Variants in RBFOX1 observed in about 807,000 individuals in gnomAD.
RBFOX1 encodes the protein RNA binding fox-1 homolog 1.
A neutral mutation model predicts 57.7 loss-of-function variants in RBFOX1; 8 were observed. That is an observed-to-expected ratio of 0.14 (90% CI 0.08 to 0.25). The LOEUF (loss-of-function observed/expected upper bound fraction) is 0.25, where lower values mean the gene tolerates loss of function less well. Among genes scored for constraint, RBFOX1 ranks in the 10% least tolerant of loss-of-function variants. RBFOX1 has a pLI of 1.00. For missense variants in RBFOX1, 611 were observed against 548.5 expected, an observed-to-expected ratio of 1.11 and a Z score of -1.14; for synonymous variants, 326 against 222.4, an observed-to-expected ratio of 1.47 and a Z score of -4.15.
chr16:6,031,359 G>T lies in RBFOX1; in HGVS notation c.-127+11367G>T, dbSNP rs114746231. ...GGAAGGGATGTGGCTGGCAAAGCCT[G>T]CAGAGGCCAGAACAGGCAGCCTTGC... On this transcript the variant is annotated intron_variant, in intron 1 of 15. Transcript: ENST00000550418. 7.1e-3 allele frequency among the ~76,000 whole-genome samples: 1,085 copies of T among 152,336 alleles called. 13 individuals are homozygous for T. The highest frequency in any genetic ancestry group is 0.024 in the African/African-American group (999 of 41,580).
Position 6,557,431 on chromosome 16 carries a change from A to G in RBFOX1, c.-63-97172A>G, listed in dbSNP as rs2097121262. On this transcript the variant is annotated intron_variant, in intron 2 of 15. Coordinates refer to ENST00000550418, the MANE Select transcript of RBFOX1 (RefSeq NM_018723.4). ...CCAGACTGGGACAGTACGATTTCAC[A>G]ATAACAGCCACAATTTCTCTAATTT... 2.0e-5 allele frequency among the ~76,000 whole-genome samples: 3 copies of G among 152,194 alleles called. No homozygotes were observed. The South Asian group carries it at 6.2e-4, about 31-fold the overall frequency.
intron 4 of RBFOX1, among the ~76,000 whole-genome samples, chr16:7,509,905 C>T (rs929847088): frequency 1.5e-4 from 23 of 151,440 alleles, no homozygotes; most frequent in African/African-American, 5.6e-4. Context: ...CAGCTCCAGG[C>T]GATGCATAGA....
At position 7,144,417 on chromosome 16, in the gene RBFOX1, C is replaced by CTTCTTTTTTTTTTTTTTT. The variant is rs3046798; in HGVS notation, c.27+92321_27+92322insCTTTTTTTTTTTTTTTTT. Among the ~76,000 whole-genome samples, 35 of 66,916 alleles carry CTTCTTTTTTTTTTTTTTT rather than the reference C, an allele frequency of 5.2e-4. 1 individual carries two copies. Among genetic ancestry groups the CTTCTTTTTTTTTTTTTTT allele is most frequent in the Non-Finnish European group, 7.3e-4 (28 of 38,212 alleles). 43.9% of individuals were successfully genotyped at this position (66,916 alleles called of 152,430 possible). A position where few individuals can be genotyped will look rare whatever the true frequency, so the allele number is the denominator to read the frequency against. On this transcript the variant is annotated intron_variant, in intron 4 of 15. Transcript: ENST00000550418. ...TCTTTTCTCTTTCTTTTTCTTTCTT[C>CTTCTTTTTTTTTTTTTTT]TTTTTTTTTTTTTTTTTTTTTGAGT...
intron 4 of RBFOX1, among the ~76,000 whole-genome samples, chr16:7,118,765 T>C (rs58445815): frequency 0.096 from 14,672 of 152,096 alleles, 1,104 homozygotes; most frequent in African/African-American, 0.21. Context: ...CCACAAGAAT[T>C]TGGTAAAATT....
At chr16:6,720,431 C>G (rs956589352) in intron 3 of RBFOX1, among the ~76,000 whole-genome samples, 1 of 152,146 alleles carries the variant, frequency 6.6e-6, no homozygotes, top group Non-Finnish European at 1.5e-5. Flanking sequence ...AAATTACCCA[C>G]TCTCAGGTAG....
intron 1 of RBFOX1, among the ~76,000 whole-genome samples, chr16:5,302,095 C>G (rs1377703420): frequency 3.3e-5 from 5 of 152,008 alleles, no homozygotes. Flanking sequence ...AACATCTAGG[C>G]TAGTGCTGGT....
intron 1 of RBFOX1, among the ~76,000 whole-genome samples, chr16:5,386,688 C>G (rs2066267684): frequency 6.6e-6 from 1 of 152,166 alleles, no homozygotes; most frequent in African/African-American, 2.4e-5. Context: ...TCCTCACTTC[C>G]CCATGGCCAC....
chr16:6,478,924 T>A (rs74005225), intron 2 of RBFOX1, among the ~76,000 whole-genome samples: 10,974 of 152,096 alleles, frequency 0.072, 1,248 homozygotes, highest in African/African-American at 0.24. Context: ...TATTGTGAGA[T>A]TTACCCAAAT....
chr16:7,383,852 C>T (rs1250031600), intron 4 of RBFOX1, among the ~76,000 whole-genome samples: 4 of 151,860 alleles, frequency 2.6e-5, no homozygotes, highest in Non-Finnish European at 5.9e-5. Flanking sequence ...GTCAGAAGAT[C>T]GAGACTATCC....
At chr16:5,350,002 A>C (rs1310764360) in intron 1 of RBFOX1, among the ~76,000 whole-genome samples, 3 of 152,230 alleles carry the variant, frequency 2.0e-5, no homozygotes. Flanking sequence ...GCTGATGTAC[A>C]CTTCACAGTC....
chr16:7,267,279 A>C (rs1603461701), intron 4 of RBFOX1, among the ~76,000 whole-genome samples: 1 of 152,096 alleles, frequency 6.6e-6, no homozygotes, highest in African/African-American at 2.4e-5. Flanking sequence ...TCATGCCTGT[A>C]ATGCGAGCAC....
At chr16:5,652,068 A>T (rs1054309340) in intron 3 of RBFOX1, among the ~76,000 whole-genome samples, 2 of 152,154 alleles carry the variant, frequency 1.3e-5, no homozygotes, top group African/African-American at 4.8e-5. Context: ...TTGGAGGAAG[A>T]GGTTCTAGTG....
chr16:7,543,663 G>A (rs560295168), intron 5 of RBFOX1, among the ~76,000 whole-genome samples: 1 of 134,058 alleles, frequency 7.5e-6, no homozygotes, highest in Non-Finnish European at 1.6e-5. Flanking sequence ...ATGCTGGGCA[G>A]TATCTGTGTG....
intron 4 of RBFOX1, among the ~76,000 whole-genome samples, chr16:7,195,384 G>C (rs2086447309): frequency 6.6e-6 from 1 of 152,146 alleles, no homozygotes; most frequent in Admixed American, 6.5e-5. Flanking sequence ...TCCACTGTAA[G>C]AGTATCAAAG....
chr16:6,480,671 A>G (rs2095358667), intron 2 of RBFOX1, among the ~76,000 whole-genome samples: 2 of 152,172 alleles, frequency 1.3e-5, no homozygotes, highest in Non-Finnish European at 2.9e-5. Context: ...GAAAACCTAT[A>G]ATATTATATT....
intron 1 of RBFOX1, among the ~76,000 whole-genome samples, chr16:5,259,201 A>G (rs2333971): frequency 0.35 from 53,053 of 149,860 alleles, 9,445 homozygotes; most frequent in African/African-American, 0.42. Context: ...TTTTTTTTTT[A>G]GTGTTTTCCA....
intron 1 of RBFOX1, among the ~76,000 whole-genome samples, chr16:6,110,788 T>C (rs577963582): frequency 6.6e-6 from 1 of 152,286 alleles, no homozygotes; most frequent in African/African-American, 2.4e-5. Context: ...ATTTCACTGC[T>C]GCAACCAGGG....
chr16:7,031,845 C>G (rs114711073), intron 3 of RBFOX1, among the ~76,000 whole-genome samples: 2,547 of 152,248 alleles, frequency 0.017, 70 homozygotes, highest in African/African-American at 0.054. Flanking sequence ...CCTTGCTGGC[C>G]TGCTGGACAC....
At chr16:6,898,760 C>T (rs190810712) in intron 3 of RBFOX1, among the ~76,000 whole-genome samples, 18 of 151,608 alleles carry the variant, frequency 1.2e-4, no homozygotes, top group African/African-American at 3.6e-4. Flanking sequence ...ATATATAATA[C>T]GTGTATGCAC....
Sources: allele counts gnomAD v4.1 joint callset (sites outside exome capture counted in the v4.1 genomes callset), GRCh38; gene constraint gnomAD v4.1.1; transcripts MANE v1.5; gene names NCBI Gene and HGNC (gene_info 2026-07-23, HGNC 2026-07-21).